Variants in RPS6KC1 observed in about 807,000 individuals in gnomAD.
RPS6KC1 encodes the protein inactive ribosomal protein S6 kinase delta-1.
A neutral mutation model predicts 103.8 loss-of-function variants in RPS6KC1; 54 were observed. That is an observed-to-expected ratio of 0.52 (90% CI 0.42 to 0.65). The LOEUF (loss-of-function observed/expected upper bound fraction) is 0.65. RPS6KC1 is among the 30% of genes least tolerant of loss of function. The pLI, the probability that RPS6KC1 is intolerant of heterozygous loss-of-function variation, is 0.00. For synonymous variants in RPS6KC1, 439 were observed against 438.7 expected, an observed-to-expected ratio of 1.00 and a Z score of -0.01; for missense variants, 1,151 against 1,253.8, an observed-to-expected ratio of 0.92 and a Z score of 1.24.
At position 213,240,478 on chromosome 1, in the gene RPS6KC1, TA is replaced by T. The variant is rs373646018; in HGVS notation, c.1226-214del. ...TCAAAGGAAGAAATAGGTTGTCACT[TA>T]AAAAAAAAATTGATATCAGGAGATA... On this transcript the variant is annotated intron_variant, in intron 10 of 14. Coordinates refer to ENST00000366960, the MANE Select transcript of RPS6KC1 (RefSeq NM_012424.6). 4.3e-3 allele frequency among the ~76,000 whole-genome samples: 639 copies of T among 149,930 alleles called. 4 individuals carry two copies. The highest frequency in any genetic ancestry group is 0.013 in the African/African-American group (531 of 40,968).
chr1:213,492,974 A>T, the RPS6KC1 span, among the ~76,000 whole-genome samples: 1 of 152,216 alleles, frequency 6.6e-6, no homozygotes, highest in African/African-American at 2.4e-5. Flanking sequence ...AACTACTGTG[A>T]ATAAAAGAAG....
chr1:213,240,419 T>C (rs1300093857), intron 10 of RPS6KC1, among the ~76,000 whole-genome samples: 1 of 152,126 alleles, frequency 6.6e-6, no homozygotes, highest in Non-Finnish European at 1.5e-5. Context: ...AGCTGTGAAA[T>C]TTCATACTAG....
the RPS6KC1 span, among the ~76,000 whole-genome samples, chr1:213,382,599 T>C: frequency 2.4e-4 from 36 of 150,092 alleles, no homozygotes; most frequent in East Asian, 5.1e-3. Flanking sequence ...GGTGGTATAA[T>C]AAAACCTTCT....
the RPS6KC1 span, among the ~76,000 whole-genome samples, chr1:213,563,640 G>A: frequency 1.3e-5 from 2 of 152,016 alleles, no homozygotes; most frequent in Middle Eastern, 3.4e-3. Context: ...ATTATATCCT[G>A]TACACTTGAC....
chr1:213,575,700 T>A, the RPS6KC1 span, among the ~76,000 whole-genome samples: 4 of 152,156 alleles, frequency 2.6e-5, no homozygotes, highest in Non-Finnish European at 5.9e-5. Flanking sequence ...ATGTATTTAT[T>A]AGCAGTATGA....
the RPS6KC1 span, among the ~76,000 whole-genome samples, chr1:213,386,344 A>G: frequency 1.3e-5 from 2 of 152,180 alleles, no homozygotes; most frequent in South Asian, 4.1e-4. Flanking sequence ...GCCCAGCCTC[A>G]GGTATTCCTT....
At chr1:213,689,076 G>A in the RPS6KC1 span, among the ~76,000 whole-genome samples, 1 of 152,230 alleles carries the variant, frequency 6.6e-6, no homozygotes, top group African/African-American at 2.4e-5. Context: ...GTTATTCTGT[G>A]TGTTGAAGAT....
the RPS6KC1 span, among the ~76,000 whole-genome samples, chr1:213,690,187 T>G: frequency 1.3e-5 from 2 of 152,222 alleles, no homozygotes; most frequent in African/African-American, 4.8e-5. Context: ...TCTCTCTAAC[T>G]GGCAGCAAGG....
chr1:213,261,830 T>C (rs1283249607), intron 13 of RPS6KC1, among the ~76,000 whole-genome samples, 190 bp downstream of exon 13: 1 of 152,228 alleles, frequency 6.6e-6, no homozygotes, highest in African/African-American at 2.4e-5. Flanking sequence ...TTGCATTACA[T>C]TGAATAAATT....
the RPS6KC1 span, among the ~76,000 whole-genome samples, chr1:213,421,269 G>T: frequency 1.3e-5 from 2 of 151,970 alleles, no homozygotes; most frequent in Non-Finnish European, 2.9e-5. Flanking sequence ...GCGCCACCAT[G>T]CCTGGCTAAT....
the RPS6KC1 span, among the ~76,000 whole-genome samples, chr1:213,448,694 G>A: frequency 1.5e-3 from 223 of 149,648 alleles, no homozygotes; most frequent in African/African-American, 5.1e-3. Flanking sequence ...GATTTTCAAG[G>A]TTTTCTCTGA....
At chr1:213,309,589 T>C in the RPS6KC1 span, among the ~76,000 whole-genome samples, 1 of 152,216 alleles carries the variant, frequency 6.6e-6, no homozygotes, top group Non-Finnish European at 1.5e-5. Context: ...ATGAAGCTGG[T>C]GATGGGCAAG....
At chr1:213,655,295 G>A in the RPS6KC1 span, among the ~76,000 whole-genome samples, 1 of 151,178 alleles carries the variant, frequency 6.6e-6, no homozygotes, top group African/African-American at 2.4e-5. Flanking sequence ...CACCTGTTTC[G>A]GCCTCCCAAT....
chr1:213,371,691 A>G, the RPS6KC1 span, among the ~76,000 whole-genome samples: 3 of 152,218 alleles, frequency 2.0e-5, no homozygotes, highest in African/African-American at 7.2e-5. Context: ...TTACATAATG[A>G]TTCAGATCTC....
At chr1:213,062,067 C>T (rs1217987750) in intron 1 of RPS6KC1, among the ~76,000 whole-genome samples, 3 of 151,482 alleles carry the variant, frequency 2.0e-5, no homozygotes, top group African/African-American at 7.3e-5. Context: ...TTTTTTTAAC[C>T]TAGGAAATAC....
At chr1:213,824,763 G>A in the RPS6KC1 span, among the ~76,000 whole-genome samples, 2 of 152,302 alleles carry the variant, frequency 1.3e-5, no homozygotes, top group East Asian at 1.9e-4. Context: ...TGCCATGATT[G>A]TGAGGCCTCC....
At chr1:213,828,655 T>C in the RPS6KC1 span, among the ~76,000 whole-genome samples, 1 of 152,158 alleles carries the variant, frequency 6.6e-6, no homozygotes, top group Non-Finnish European at 1.5e-5. Context: ...CTTTTAGAAC[T>C]GAAAAAGATC....
chr1:213,390,246 A>T, the RPS6KC1 span, among the ~76,000 whole-genome samples: 3 of 152,210 alleles, frequency 2.0e-5, no homozygotes, highest in African/African-American at 7.2e-5. Flanking sequence ...CAAAATGCCC[A>T]ATAGTTGGAT....
the RPS6KC1 span, among the ~76,000 whole-genome samples, chr1:213,396,528 C>T: frequency 1.3e-5 from 2 of 152,350 alleles, no homozygotes; most frequent in Admixed American, 1.3e-4. Flanking sequence ...TGTGGACGGC[C>T]TCCCCTCCTT....
Sources: gnomAD v4.1 joint callset for allele counts (sites outside exome capture counted in the v4.1 genomes callset) on GRCh38, gnomAD v4.1.1 for gene constraint, MANE v1.5 for transcripts, NCBI Gene and HGNC (gene_info 2026-07-23, HGNC 2026-07-21) for gene names.